CCDC66: variants seen among roughly 807,000 people sequenced by gnomAD.
The protein encoded by CCDC66 is coiled-coil domain-containing protein 66.
A neutral mutation model predicts 128.3 loss-of-function variants in CCDC66; 133 were observed. The ratio of observed to expected loss-of-function variants is 1.04; its 90% CI spans 0.90 to 1.20. The LOEUF is 1.20. CCDC66 is among the 50% of genes most tolerant of loss of function. The pLI, the probability that CCDC66 is intolerant of heterozygous loss-of-function variation, is 0.00. For synonymous variants in CCDC66, 387 were observed against 357.0 expected (o/e 1.08, Z -0.95); for missense variants, 1,126 against 1,075.5 (o/e 1.05, Z -0.66).
At position 56,619,792 on chromosome 3, in the gene CCDC66, G is replaced by GACA; in HGVS notation, c.2652_2654dup (p.Gln885dup). 1 of 1,613,792 alleles carries GACA rather than the reference G, an allele frequency of 6.2e-7. No homozygotes were observed. The highest frequency in any genetic ancestry group is 8.5e-7 in the Non-Finnish European group (1 of 1,179,940). ...CTGGCTTTAGACTGTGGCCAAAAAC[G>GACA]ACAGCTATTTGATTCTGACTGTGTC... On this transcript the variant is annotated inframe_insertion, in exon 17 of 18. Transcript: ENST00000394672.
chr3:56,618,099 G>A, intron 14 of CCDC66, 73 bp from the exon 15 acceptor site: 2 of 1,127,942 alleles, frequency 1.8e-6, no homozygotes, highest in Non-Finnish European at 2.7e-6. Flanking sequence ...TCAACAAGTA[G>A]CCCTAAAAAT....
chr3:56,598,836 T>G (rs1271574452), intron 10 of CCDC66, among the ~76,000 whole-genome samples: 1 of 152,112 alleles, frequency 6.6e-6, no homozygotes, highest in Non-Finnish European at 1.5e-5. Context: ...TTGAGAATTT[T>G]TGCATCTATG....
At chr3:56,599,148 G>A (rs1241069000) in intron 10 of CCDC66, among the ~76,000 whole-genome samples, 1 of 151,948 alleles carries the variant, frequency 6.6e-6, no homozygotes, top group Non-Finnish European at 1.5e-5. Flanking sequence ...AATCTTGATA[G>A]CTTGTGTGTC....
Position 56,621,602 on chromosome 3 carries a change from T to G in CCDC66, c.2831T>G (p.Phe944Cys). The change falls in exon 18 of 18, where the codon TTT (phenylalanine) becomes TGT (cysteine). Residue 944 changes from phenylalanine (F) to cysteine (C), a missense_variant. By Grantham distance (205) the Phe-to-Cys change is radical. Transcript: ENST00000394672. ...TTAGCTGAAAATCAAGAAGAGAGTT[T>G]TGGTTCTTCATTTTAAATGTAGAAA... ...LPLAENQEES[F>C]GSSF The G allele has an allele frequency of 2.5e-6, 4 of 1,595,960 alleles. No homozygotes were observed. Among genetic ancestry groups the G allele is most frequent in the Non-Finnish European group, 3.4e-6 (4 of 1,171,010 alleles).
intron 11 of CCDC66, among the ~76,000 whole-genome samples, chr3:56,614,325 C>T (rs1261105069): frequency 6.6e-6 from 1 of 152,114 alleles, no homozygotes; most frequent in Admixed American, 6.5e-5. Context: ...TTTTTATCTA[C>T]TCCTAGTTTT....
chr3:56,614,536 A>C (rs1403999038), intron 11 of CCDC66, among the ~76,000 whole-genome samples: 2 of 152,182 alleles, frequency 1.3e-5, no homozygotes, highest in African/African-American at 4.8e-5. Context: ...GGCTAGGAGA[A>C]CCCTAAGTGG....
At chr3:56,618,590 T>C in intron 15 of CCDC66, 1 of 184,532 alleles carries the variant, frequency 5.4e-6, no homozygotes, top group Non-Finnish European at 1.1e-5. Context: ...TAATGAGAGA[T>C]TTAGAACCAT....
intron 4 of CCDC66, among the ~76,000 whole-genome samples, chr3:56,565,580 C>T (rs984031229): frequency 2.7e-4 from 41 of 151,098 alleles, no homozygotes; most frequent in Middle Eastern, 3.2e-3. Context: ...CATGAGCCAC[C>T]ACACCCAGCC....
At chr3:56,618,996 TC>T (rs11312545) in intron 15 of CCDC66, 109,023 of 280,862 alleles carry the variant, frequency 0.39, 22,604 homozygotes, top group East Asian at 0.6. Context: ...GGCAGGTGGA[TC>T]CACCTGAGGT....
intron 3 of CCDC66, among the ~76,000 whole-genome samples, chr3:56,561,888 T>C (rs901142954): frequency 1.3e-5 from 2 of 152,148 alleles, no homozygotes; most frequent in Non-Finnish European, 2.9e-5. Flanking sequence ...CAGGTCTCTT[T>C]TTTTTTCCCC....
At chr3:56,617,685 G>A in intron 14 of CCDC66, 80 bp downstream of exon 14, 1 of 1,495,220 alleles carries the variant, frequency 6.7e-7, no homozygotes, top group South Asian at 1.4e-5. Context: ...CTTTGGTAAG[G>A]CTGTTCTGAT....
intron 6 of CCDC66, chr3:56,570,658 G>C (rs1302098409): frequency 7.9e-6 from 1 of 126,484 alleles, no homozygotes; most frequent in East Asian, 2.1e-4. Context: ...TGAGGCAGGG[G>C]AATCGCTTGA....
intron 7 of CCDC66, among the ~76,000 whole-genome samples, chr3:56,577,615 C>A (rs1264410569): frequency 6.6e-6 from 1 of 151,724 alleles, no homozygotes; most frequent in Non-Finnish European, 1.5e-5. Context: ...GGGAAGGGGT[C>A]CAGTTTCAGT....
intron 10 of CCDC66, among the ~76,000 whole-genome samples, chr3:56,597,826 G>A (rs1222029784): frequency 7.8e-6 from 1 of 127,706 alleles, no homozygotes; most frequent in Non-Finnish European, 1.6e-5. Flanking sequence ...CTAGGCTGGA[G>A]TGCAGTGGCG....
intron 10 of CCDC66, among the ~76,000 whole-genome samples, chr3:56,598,579 G>A (rs1242511939): frequency 1.3e-5 from 2 of 151,728 alleles, no homozygotes; most frequent in Non-Finnish European, 2.9e-5. Context: ...ATTATTTTAA[G>A]GTATATACCT....
Position 56,579,621 on chromosome 3 carries a change from A to AC in CCDC66, c.936+8319_936+8320insC, listed in dbSNP as rs1553679949. Reference sequence around the variant, plus strand: ...TCTGGTATGTTGTGTCTTTGTTCTCATGGTTTCAAAGAACATGTTAATTTC... The same window carrying AC: ...TCTGGTATGTTGTGTCTTTGTTCTCACTGGTTTCAAAGAACATGTTAATTTC... On this transcript the variant is annotated intron_variant, in intron 7 of 17. Coordinates refer to ENST00000394672, the MANE Select transcript of CCDC66 (RefSeq NM_001141947.3). 1.3e-5 allele frequency among the ~76,000 whole-genome samples: 2 copies of AC among 151,580 alleles called. 1 individual carries two copies. The highest frequency in any genetic ancestry group is 4.0e-4 in the East Asian group (2 of 5,012).
At chr3:56,583,126 C>T (rs892606217) in intron 7 of CCDC66, among the ~76,000 whole-genome samples, 1 of 151,510 alleles carries the variant, frequency 6.6e-6, no homozygotes, top group Non-Finnish European at 1.5e-5. Flanking sequence ...CTTTGCCTCC[C>T]AAAGGGCTGG....
chr3:56,619,305 A>G lies in CCDC66; in HGVS notation c.2413A>G (p.Arg805Gly), dbSNP rs748778994. Reference sequence around the variant, plus strand: ...ATCACCAGTTCCAGTAGTGAAAAACAGAACCCAACAAACTCAAAATACATT... The same window carrying G: ...ATCACCAGTTCCAGTAGTGAAAAACGGAACCCAACAAACTCAAAATACATT... ...PSSPVPVVKN[R>G]TQQTQNTLHL... is the part of the protein sequence containing the mutation. Residue 805 changes from arginine to glycine, a missense_variant, in exon 16 of 18, where the codon AGA (arginine) becomes GGA (glycine). Physicochemically the swap from Arg to Gly is moderately radical, Grantham distance 125 (BLOSUM62 -2). Coordinates refer to ENST00000394672, the MANE Select transcript of CCDC66 (RefSeq NM_001141947.3). 9.3e-6 allele frequency: 15 copies of G among 1,611,752 alleles called. No homozygotes were observed. In the Admixed American group the frequency reaches 2.0e-4, roughly 22 times the overall value.
intron 7 of CCDC66, among the ~76,000 whole-genome samples, chr3:56,581,356 CTCCT>C (rs2068334772): frequency 2.6e-5 from 4 of 151,822 alleles, no homozygotes; most frequent in Admixed American, 6.6e-5. Flanking sequence ...TTGGAACATC[CTCCT>C]TTAGCTTGGA....
Sources: allele counts gnomAD v4.1 joint callset (sites outside exome capture counted in the v4.1 genomes callset), GRCh38; gene constraint gnomAD v4.1.1; transcripts MANE v1.5; gene names NCBI Gene and HGNC (gene_info 2026-07-23, HGNC 2026-07-21).